HDGFL3: variants seen among roughly 807,000 people sequenced by gnomAD.
HDGFL3 encodes hepatoma-derived growth factor-related protein 3.
HDGFL3 carries 6 observed loss-of-function variants against 27.6 expected under a neutral mutation model. That is an observed-to-expected ratio of 0.22 (90% CI 0.12 to 0.43). The LOEUF is 0.43. HDGFL3 is among the 20% of genes least tolerant of loss of function. HDGFL3 has a pLI of 1.00. For missense variants in HDGFL3, 207 were observed against 250.1 expected, an observed-to-expected ratio of 0.83 and a Z score of 1.16; for synonymous variants, 88 against 88.9, an observed-to-expected ratio of 0.99 and a Z score of 0.05.
At chr15:83,200,679 A>G (rs1275121290) in intron 1 of HDGFL3, among the ~76,000 whole-genome samples, 1 of 152,124 alleles carries the variant, frequency 6.6e-6, no homozygotes, top group Non-Finnish European at 1.5e-5. Context: ...CCTATTTTAC[A>G]AAGAGGTTCA....
intron 1 of HDGFL3, among the ~76,000 whole-genome samples, chr15:83,167,490 G>A (rs1016354824): frequency 2.0e-5 from 3 of 151,786 alleles, no homozygotes; most frequent in Admixed American, 1.3e-4. Flanking sequence ...CCCAGGAGGC[G>A]GAGATTGCAG....
rs1379448655 is a variant in HDGFL3, at chr15:83,136,278, A to G, written c.*2992T>C. The G allele has an allele frequency of 4.6e-6, 2 of 430,442 alleles. No individual in the cohort carries two copies. The highest frequency in any genetic ancestry group is 8.2e-6 in the Non-Finnish European group (2 of 243,864). The allele number at this position is 430,442 out of a possible 1,614,324, so 26.7% of individuals were successfully genotyped here. ...CTTTATTTGAACAGTCATATCAAGA[A>G]TGGCCCTAAATTTAATCAAGGACTA... On this transcript the variant is annotated 3_prime_UTR_variant, in exon 6 of 6. Coordinates refer to ENST00000299633, the MANE Select transcript of HDGFL3 (RefSeq NM_016073.4).
Position 83,136,800 on chromosome 15 carries a change from GTA to G in HDGFL3, c.*2468_*2469del. 1 of 738,104 alleles carries G rather than the reference GTA, an allele frequency of 1.4e-6. No homozygotes were observed. The highest frequency in any genetic ancestry group is 2.4e-5 in the South Asian group (1 of 41,512). The allele number at this position is 738,104 out of a possible 1,614,324, so 45.7% of individuals were successfully genotyped here. A position where few individuals can be genotyped will look rare whatever the true frequency, so the allele number is the denominator to read the frequency against. On this transcript the variant is annotated 3_prime_UTR_variant, in exon 6 of 6. Transcript: ENST00000299633. ...AATATGTACATTCTTGCTCTGCACTGTATGTGTGAGCTATATGGTATTGTGTA... is the reference window on the plus strand; with the variant it reads ...AATATGTACATTCTTGCTCTGCACTGTGTGTGAGCTATATGGTATTGTGTA...
In HDGFL3 at chr15:83,136,628, C is replaced by T. The variant is rs1192466826; in HGVS notation, c.*2642G>A. ...CTTGGCCTATCGTTGTATCTACAAA[C>T]CAGAGTTCTTCATAAAAACAAAGGC... On this transcript the variant is annotated 3_prime_UTR_variant, in exon 6 of 6. Transcript: ENST00000299633. 4 of 1,607,260 alleles carry T rather than the reference C, an allele frequency of 2.5e-6. No individual in the cohort carries two copies. In the East Asian group the frequency reaches 8.9e-5, roughly 36 times the overall value.
Position 83,207,474 on chromosome 15 carries a change from C to A in HDGFL3, c.-60G>T. 1 of 1,211,546 alleles carries A rather than the reference C, an allele frequency of 8.3e-7. No individual in the cohort carries two copies. The highest frequency in any genetic ancestry group is 1.0e-6 in the Non-Finnish European group (1 of 957,216). 75.0% of individuals were successfully genotyped at this position (1,211,546 alleles called of 1,614,324 possible). A position where few individuals can be genotyped will look rare whatever the true frequency, so the allele number is the denominator to read the frequency against. Reference sequence around the variant, plus strand: ...CCGCGAAGATGCCGGGAGGCCGCCCCCCCGCGGGCCGACGAATTGCGCCGC... The same window carrying A: ...CCGCGAAGATGCCGGGAGGCCGCCCACCCGCGGGCCGACGAATTGCGCCGC... On this transcript the variant is annotated 5_prime_UTR_variant, in exon 1 of 6. Coordinates refer to ENST00000299633, the MANE Select transcript of HDGFL3 (RefSeq NM_016073.4). The surrounding 1 kb of genome is among the most constrained non-coding windows in gnomAD (Gnocchi z 4.8).
At chr15:83,184,913 C>T (rs1294676003) in intron 1 of HDGFL3, 1 of 152,246 alleles carries the variant, frequency 6.6e-6, no homozygotes. Context: ...TAAACTTTCA[C>T]TCTCGTACAA....
At chr15:83,122,948 G>T, downstream of HDGFL3, 1 of 1,569,974 alleles carries the variant, frequency 6.4e-7, no homozygotes, top group East Asian at 2.2e-5. Context: ...ACTGGCCACT[G>T]AATTGAACCA....
At chr15:83,195,942 T>A (rs1000150718) in intron 1 of HDGFL3, among the ~76,000 whole-genome samples, 1 of 152,036 alleles carries the variant, frequency 6.6e-6, no homozygotes. Context: ...CGAAGTACTA[T>A]AACTTATGTG....
Position 83,207,320 on chromosome 15 carries a change from G to C in HDGFL3, c.84+11C>G. On this transcript the variant is annotated intron_variant, in intron 1 of 5. Transcript: ENST00000299633. This position sits in a 1 kb window ranked among gnomAD's most constrained non-coding sequence, Gnocchi z 4.8. ...TGGGCGGGCGGGCCCGCGCGCGGCC[G>C]CGGTACTCACCCGGGCCGGCCAGTG... is the stretch of plus-strand genomic sequence containing the variant. 7.4e-7 allele frequency: 1 copy of C among 1,358,272 alleles called. No homozygotes were observed. The allele number at this position is 1,358,272 out of a possible 1,614,324, so 84.1% of individuals were successfully genotyped here.
chr15:83,193,946 C>T (rs992457015), intron 1 of HDGFL3, among the ~76,000 whole-genome samples: 2 of 152,156 alleles, frequency 1.3e-5, no homozygotes, highest in South Asian at 4.1e-4. Flanking sequence ...TGCTGACTCA[C>T]ACCACCACCA....
At chr15:83,154,833 G>C (rs1178937541) in intron 4 of HDGFL3, among the ~76,000 whole-genome samples, 3 of 152,100 alleles carry the variant, frequency 2.0e-5, no homozygotes, top group Non-Finnish European at 4.4e-5. Flanking sequence ...CATTATGCTA[G>C]GTTATTTCAT....
In HDGFL3 at chr15:83,132,321, AT is replaced by A. The variant is rs1028517040; in HGVS notation, c.*6948del. 2.0e-5 allele frequency: 3 copies of A among 152,196 alleles called. No individual in the cohort carries two copies. The highest frequency in any genetic ancestry group is 4.4e-5 in the Non-Finnish European group (3 of 68,042). 9.4% of individuals were successfully genotyped at this position (152,196 alleles called of 1,614,324 possible). A position where few individuals can be genotyped will look rare whatever the true frequency, so the allele number is the denominator to read the frequency against. ...AATTAAATTAAGTGTATTGTATATAATTACCAAGAAAACAAAGAAACTGGGT... is the reference window on the plus strand; with the variant it reads ...AATTAAATTAAGTGTATTGTATATAATACCAAGAAAACAAAGAAACTGGGT... On this transcript the variant is annotated 3_prime_UTR_variant, in exon 6 of 6. Coordinates refer to ENST00000299633, the MANE Select transcript of HDGFL3 (RefSeq NM_016073.4).
In HDGFL3 at chr15:83,207,529, G is replaced by T; in HGVS notation, c.-115C>A. 2 of 794,104 alleles carry T rather than the reference G, an allele frequency of 2.5e-6. No homozygotes were observed. The highest frequency in any genetic ancestry group is 3.4e-6 in the Non-Finnish European group (2 of 590,116). 49.2% of individuals were successfully genotyped at this position (794,104 alleles called of 1,614,324 possible). ...CCCGCGGGCCTCAAGCCGGGCGGAC[G>T]AGCGGCCGCTCCGACGAGGGGAAGC... On this transcript the variant is annotated 5_prime_UTR_variant, in exon 1 of 6. Coordinates refer to ENST00000299633, the MANE Select transcript of HDGFL3 (RefSeq NM_016073.4). This position sits in a 1 kb window ranked among gnomAD's most constrained non-coding sequence, Gnocchi z 4.8.
At chr15:83,127,238 C>G, downstream of HDGFL3, 1 of 974,798 alleles carries the variant, frequency 1.0e-6, no homozygotes. Context: ...AAAAAAGAGT[C>G]CCATATAGGA....
intron 3 of HDGFL3, among the ~76,000 whole-genome samples, chr15:83,117,036 C>T (rs2034729939): frequency 6.6e-6 from 1 of 152,164 alleles, no homozygotes; most frequent in South Asian, 2.1e-4. Flanking sequence ...GTGAGAGACT[C>T]ACTCCAGGCA....
downstream of HDGFL3, among the ~76,000 whole-genome samples, chr15:83,123,735 A>G (rs1198247351): frequency 6.6e-6 from 1 of 152,236 alleles, no homozygotes; most frequent in Non-Finnish European, 1.5e-5. Flanking sequence ...AAAAGCAAAT[A>G]GTCAGTCCAC....
rs115673899 is a variant in HDGFL3, at chr15:83,171,782, T to C, written c.85-7707A>G. On this transcript the variant is annotated intron_variant, in intron 1 of 5. Coordinates refer to ENST00000299633, the MANE Select transcript of HDGFL3 (RefSeq NM_016073.4). The stretch of plus-strand genomic sequence containing the variant: ...GGGACAAGGGATGAAAACCTAACCA[T>C]TGGATACCTGGGTAATGGGATCATT... 6.9e-3 allele frequency among the ~76,000 whole-genome samples: 1,053 copies of C among 152,146 alleles called. 20 individuals carry two copies. Among genetic ancestry groups the C allele is most frequent in the African/African-American group, 0.025 (1,024 of 41,486 alleles).
chr15:83,153,986 C>T (rs994742514), intron 4 of HDGFL3, among the ~76,000 whole-genome samples: 1 of 151,910 alleles, frequency 6.6e-6, no homozygotes, highest in East Asian at 1.9e-4. Flanking sequence ...ACTAATTTTC[C>T]ATGCAAAGGA....
At chr15:83,167,387 C>T (rs1567171213) in intron 1 of HDGFL3, among the ~76,000 whole-genome samples, 1 of 152,074 alleles carries the variant, frequency 6.6e-6, no homozygotes, top group East Asian at 1.9e-4. Flanking sequence ...GAAACCCTGT[C>T]TCTACTAAAA....
Sources: gnomAD v4.1 joint callset for allele counts (sites outside exome capture counted in the v4.1 genomes callset) on GRCh38, gnomAD v4.1.1 for gene constraint, Gnocchi (gnomAD v3.1) non-coding constraint, MANE v1.5 for transcripts, NCBI Gene and HGNC (gene_info 2026-07-23, HGNC 2026-07-21) for gene names.